Variants in PIK3C2G observed in about 807,000 individuals in gnomAD.
PIK3C2G encodes the protein phosphatidylinositol 3-kinase C2 domain-containing subunit gamma.
PIK3C2G carries 168 observed loss-of-function variants against 181.1 expected under a neutral mutation model. The observed-to-expected ratio is 0.93, with a 90% confidence interval of 0.82 to 1.05. The LOEUF (loss-of-function observed/expected upper bound fraction) is 1.05, where lower values mean the gene tolerates loss of function less well. Among genes scored for constraint, PIK3C2G ranks in the 50% least tolerant of loss-of-function variants. The probability of loss-of-function intolerance (pLI) is 0.00; values close to 1 mark genes in which losing one functional copy is unlikely to be tolerated. For missense variants in PIK3C2G, 1,869 were observed against 1,732.8 expected (o/e 1.08, Z -1.40); for synonymous variants, 573 against 592.2 (o/e 0.97, Z 0.47).
At chr12:18,594,641 T>A in intron 30 of PIK3C2G, 72 bp downstream of exon 30, 2 of 746,410 alleles carry the variant, frequency 2.7e-6, no homozygotes, top group South Asian at 4.8e-5. Context: ...TCACAACTAA[T>A]TTTTTTCAAT....
At chr12:18,658,772 A>T in the PIK3C2G span, among the ~76,000 whole-genome samples, 1 of 152,166 alleles carries the variant, frequency 6.6e-6, no homozygotes, top group Non-Finnish European at 1.5e-5. Context: ...GAGAGTAAAA[A>T]GGGAGAGAAT....
the PIK3C2G span, among the ~76,000 whole-genome samples, chr12:18,685,141 G>C: frequency 6.6e-6 from 1 of 151,994 alleles, no homozygotes; most frequent in Non-Finnish European, 1.5e-5. Context: ...TCCATACTTA[G>C]TTGTTAGACT....
At chr12:18,326,657 G>A (rs1003854950) in intron 8 of PIK3C2G, among the ~76,000 whole-genome samples, 1 of 152,108 alleles carries the variant, frequency 6.6e-6, no homozygotes, top group Non-Finnish European at 1.5e-5. Context: ...AATGTGGAAT[G>A]TGAAAAGAAT....
chr12:18,373,919 T>C (rs566123415), intron 13 of PIK3C2G, among the ~76,000 whole-genome samples: 1 of 152,266 alleles, frequency 6.6e-6, no homozygotes, highest in East Asian at 1.9e-4. Flanking sequence ...TCATGTCTTT[T>C]GCAGACAAGG....
intron 12 of PIK3C2G, 24 bp from the exon 13 acceptor site, chr12:18,371,156 G>A (rs1370662331): frequency 1.9e-6 from 3 of 1,581,810 alleles, no homozygotes; most frequent in Non-Finnish European, 2.6e-6. Flanking sequence ...GGTAGGTAAT[G>A]CTTCTTCTTT....
At position 18,283,235 on chromosome 12, in the gene PIK3C2G, A is replaced by T. The variant is rs184980333; in HGVS notation, c.678+476A>T. On this transcript the variant is annotated intron_variant, in intron 2 of 32. Coordinates refer to ENST00000538779, the MANE Select transcript of PIK3C2G (RefSeq NM_001288772.2). ...TCCTAATTTATACGATTGGCAGGCA[A>T]CTTCTATTGAGATCATTCCAAGGGT... 2.6e-5 allele frequency among the ~76,000 whole-genome samples: 4 copies of T among 152,238 alleles called. No homozygotes were observed. In the East Asian group the frequency reaches 7.7e-4, roughly 29 times the overall value.
chr12:18,518,331 A>G (rs560778468), intron 24 of PIK3C2G, among the ~76,000 whole-genome samples: 1 of 152,066 alleles, frequency 6.6e-6, no homozygotes, highest in South Asian at 2.1e-4. Context: ...TCTTTGTACC[A>G]CTGTAGAATT....
chr12:18,374,744 T>C (rs1942317182), intron 13 of PIK3C2G, among the ~76,000 whole-genome samples: 1 of 152,176 alleles, frequency 6.6e-6, no homozygotes, highest in African/African-American at 2.4e-5. Flanking sequence ...GGTAGGTGTT[T>C]GGGGTCATGG....
chr12:18,378,873 G>A (rs1278297935), intron 13 of PIK3C2G, among the ~76,000 whole-genome samples: 4 of 152,194 alleles, frequency 2.6e-5, no homozygotes, highest in Non-Finnish European at 1.5e-5. Flanking sequence ...AACAGGTGCT[G>A]GAGAGGAAGT....
At chr12:18,326,909 T>C (rs1317688727) in intron 8 of PIK3C2G, among the ~76,000 whole-genome samples, 3 of 152,134 alleles carry the variant, frequency 2.0e-5, no homozygotes, top group Non-Finnish European at 4.4e-5. Context: ...TCACATATCA[T>C]AGACATCTTT....
intron 11 of PIK3C2G, among the ~76,000 whole-genome samples, chr12:18,349,473 A>G (rs889896181): frequency 7.2e-5 from 11 of 152,168 alleles, no homozygotes; most frequent in African/African-American, 2.7e-4. Flanking sequence ...CTGAATTATC[A>G]TCTACTCCAC....
chr12:18,389,757 A>G (rs1332052730), intron 14 of PIK3C2G, among the ~76,000 whole-genome samples: 1 of 152,208 alleles, frequency 6.6e-6, no homozygotes, highest in Admixed American at 6.5e-5. Context: ...GCAATTTGAT[A>G]AAAGATCTCA....
Position 18,314,064 on chromosome 12 carries a change from G to A in PIK3C2G, c.1137G>A (p.Lys379=), listed in dbSNP as rs1275168405. The change falls in exon 6 of 33, where the codon AAG becomes AAA. Residue 379 remains lysine, a splice_region_variant and synonymous_variant. Coordinates refer to ENST00000538779, the MANE Select transcript of PIK3C2G (RefSeq NM_001288772.2). Reference sequence around the variant, plus strand: ...AAGCTCCAGGAAAGCTATCTCGAAAGGTAAGACTTTCTTAGCATTGGTTTC... The same window carrying A: ...AAGCTCCAGGAAAGCTATCTCGAAAAGTAAGACTTTCTTAGCATTGGTTTC... ...SREAPGKLSR[K]HEEDHSQFYL... 5 of 1,500,432 alleles carry A rather than the reference G, an allele frequency of 3.3e-6. 1 individual carries two copies. The Middle Eastern group carries it at 7.1e-4, about 212-fold the overall frequency. 92.9% of individuals were successfully genotyped at this position (1,500,432 alleles called of 1,614,324 possible).
intron 8 of PIK3C2G, among the ~76,000 whole-genome samples, chr12:18,330,763 A>T (rs1001998407): frequency 6.6e-6 from 1 of 152,106 alleles, no homozygotes; most frequent in Non-Finnish European, 1.5e-5. Flanking sequence ...AATCATTCTA[A>T]TATGTTCCAG....
At chr12:18,496,579 T>G (rs1992837) in intron 21 of PIK3C2G, among the ~76,000 whole-genome samples, 8,402 of 152,228 alleles carry the variant, frequency 0.055, 274 homozygotes, top group South Asian at 0.099. Flanking sequence ...TGAGTTTTTT[T>G]TAATAAAAAA....
At chr12:18,390,634 A>C (rs1014094822) in intron 14 of PIK3C2G, among the ~76,000 whole-genome samples, 1 of 152,164 alleles carries the variant, frequency 6.6e-6, no homozygotes, top group South Asian at 2.1e-4. Flanking sequence ...GAGCTCACTC[A>C]TGTGTACATA....
At chr12:18,581,550 A>T (rs1433057395) in intron 29 of PIK3C2G, among the ~76,000 whole-genome samples, 1 of 152,220 alleles carries the variant, frequency 6.6e-6, no homozygotes, top group Non-Finnish European at 1.5e-5. Context: ...CCAACCACTA[A>T]TGTGCCTTTA....
intron 11 of PIK3C2G, among the ~76,000 whole-genome samples, chr12:18,347,404 A>G (rs1157645002): frequency 1.3e-5 from 2 of 152,216 alleles, no homozygotes; most frequent in Non-Finnish European, 2.9e-5. Flanking sequence ...TAACATAATT[A>G]CAGTAATATA....
At chr12:18,435,718 T>C (rs1202892006) in intron 18 of PIK3C2G, among the ~76,000 whole-genome samples, 13 of 152,118 alleles carry the variant, frequency 8.5e-5, no homozygotes, top group Admixed American at 8.5e-4. Context: ...TTCTCAAATC[T>C]TTCATGCCCT....
Sources: gnomAD v4.1 joint callset for allele counts (sites outside exome capture counted in the v4.1 genomes callset) on GRCh38, gnomAD v4.1.1 for gene constraint, MANE v1.5 for transcripts, NCBI Gene and HGNC (gene_info 2026-07-23, HGNC 2026-07-21) for gene names.